The following CD2AP variants were observed in gnomAD, a reference collection of about 807,000 sequenced individuals.
The protein encoded by CD2AP is CD2-associated protein.
Under a neutral mutation model 85.1 loss-of-function variants are expected in CD2AP, and 46 were observed. That is an observed-to-expected ratio of 0.54 (90% CI 0.43 to 0.69). The LOEUF is 0.69. Ranked by LOEUF, CD2AP falls within the 30% of genes least tolerant of loss-of-function variation. The probability of loss-of-function intolerance (pLI) is 0.00; values close to 1 mark genes in which losing one functional copy is unlikely to be tolerated. For missense variants in CD2AP, 769 were observed against 729.5 expected, an observed-to-expected ratio of 1.05 and a Z score of -0.62; for synonymous variants, 255 against 252.9, an observed-to-expected ratio of 1.01 and a Z score of -0.08.
At chr6:47,556,038 A>G (rs1767673577) in intron 5 of CD2AP, among the ~76,000 whole-genome samples, 1 of 148,690 alleles carries the variant, frequency 6.7e-6, no homozygotes, top group South Asian at 2.1e-4. Flanking sequence ...AAAAGAATGC[A>G]ATTTTTTTTT....
chr6:47,522,246 T>A (rs1310400427), intron 2 of CD2AP, among the ~76,000 whole-genome samples: 1 of 152,112 alleles, frequency 6.6e-6, no homozygotes, highest in African/African-American at 2.4e-5. Context: ...CAGAGAAATA[T>A]CAGCGGAATG....
Position 47,579,437 on chromosome 6 carries a change from T to A in CD2AP, c.956T>A (p.Val319Glu). Reference sequence around the variant, plus strand: ...GGCGAACTTAATGGTAAAGAAGGAGTATTTCCAGACAATTTTGCTGTCCAG... The same window carrying A: ...GGCGAACTTAATGGTAAAGAAGGAGAATTTCCAGACAATTTTGCTGTCCAG... ...WRGELNGKEGVFPDNFAVQIN... is the reference protein window; with the variant it reads ...WRGELNGKEGEFPDNFAVQIN... The change falls in exon 9 of 18, where the codon GTA (valine) becomes GAA (glutamate). Residue 319 changes from valine to glutamate, a missense_variant. Transcript: ENST00000359314. 1.2e-6 allele frequency: 2 copies of A among 1,613,394 alleles called. No homozygotes were observed. The highest frequency in any genetic ancestry group is 1.7e-6 in the Non-Finnish European group (2 of 1,179,528).
intron 11 of CD2AP, among the ~76,000 whole-genome samples, chr6:47,589,395 A>ACACACACACACAC (rs1554182242): frequency 2.3e-4 from 2 of 8,554 alleles, no homozygotes; most frequent in Non-Finnish European, 9.5e-4. Context: ...CACACACACA[A>ACACACACACACAC]ATGTATATAC....
At position 47,519,181 on chromosome 6, in the gene CD2AP, A is replaced by G. The variant is rs1225700545; in HGVS notation, c.166-14421A>G. Among the ~76,000 whole-genome samples the G allele has an allele frequency of 3.9e-5, 6 of 152,250 alleles. No individual in the cohort carries two copies. In the East Asian group the frequency reaches 9.6e-4, roughly 24 times the overall value. ...ATGAATAAGATAAAGTTAATTTTTGATAGCCATAAGCACTTTGAACAAAAA... is the reference window on the plus strand; with the variant it reads ...ATGAATAAGATAAAGTTAATTTTTGGTAGCCATAAGCACTTTGAACAAAAA... On this transcript the variant is annotated intron_variant, in intron 2 of 17. Coordinates refer to ENST00000359314, the MANE Select transcript of CD2AP (RefSeq NM_012120.3).
chr6:47,508,995 G>A (rs1370096825), intron 2 of CD2AP, among the ~76,000 whole-genome samples: 6 of 152,152 alleles, frequency 3.9e-5, no homozygotes, highest in African/African-American at 1.4e-4. Context: ...TCAACTTTCA[G>A]CATTACTTCC....
chr6:47,549,069 C>T (rs940932801), intron 4 of CD2AP, among the ~76,000 whole-genome samples: 4 of 151,906 alleles, frequency 2.6e-5, no homozygotes, highest in Admixed American at 1.3e-4. Context: ...TAATAAAAGC[C>T]GTCTATGCAA....
intron 5 of CD2AP, chr6:47,562,865 A>G: frequency 1.2e-6 from 1 of 810,890 alleles, no homozygotes; most frequent in Non-Finnish European, 2.1e-6. Context: ...GTTGATGACA[A>G]CAAGCAACTG....
chr6:47,538,007 T>C (rs1353433852), intron 3 of CD2AP, among the ~76,000 whole-genome samples: 2 of 151,940 alleles, frequency 1.3e-5, no homozygotes, highest in East Asian at 3.9e-4. Context: ...CGCCTCAGCC[T>C]CCCAAAATGC....
chr6:47,622,744 C>T (rs558018124), intron 17 of CD2AP, among the ~76,000 whole-genome samples: 1 of 152,274 alleles, frequency 6.6e-6, no homozygotes, highest in Non-Finnish European at 1.5e-5. Context: ...GTCTGTCGGT[C>T]CTCTCGGGAT....
intron 16 of CD2AP, among the ~76,000 whole-genome samples, chr6:47,610,971 A>ATATATATATATATT: frequency 2.0e-4 from 23 of 112,866 alleles, no homozygotes; most frequent in Admixed American, 7.2e-4. Flanking sequence ...ATATATATGT[A>ATATATATATATATT]TTTTTTTTTT....
chr6:47,605,510 T>C (rs899041856), intron 13 of CD2AP, among the ~76,000 whole-genome samples: 2 of 151,880 alleles, frequency 1.3e-5, no homozygotes, highest in Non-Finnish European at 2.9e-5. Context: ...CTTTTTTTTT[T>C]GGTATCTGAT....
intron 5 of CD2AP, among the ~76,000 whole-genome samples, chr6:47,558,835 C>T (rs1387478187): frequency 2.6e-5 from 4 of 152,158 alleles, no homozygotes; most frequent in African/African-American, 9.7e-5. Flanking sequence ...ATGCTGGCAT[C>T]ATAAAATGAG....
intron 5 of CD2AP, among the ~76,000 whole-genome samples, chr6:47,567,142 G>T (rs1409107773): frequency 6.6e-6 from 1 of 151,272 alleles, no homozygotes; most frequent in Non-Finnish European, 1.5e-5. Flanking sequence ...AAATTTGGTG[G>T]TTTTTCACTA....
At chr6:47,527,915 G>T (rs2114016365) in intron 2 of CD2AP, among the ~76,000 whole-genome samples, 1 of 152,234 alleles carries the variant, frequency 6.6e-6, no homozygotes, top group Middle Eastern at 3.4e-3. Flanking sequence ...ACCTACATTT[G>T]TTTTTTGGTT....
chr6:47,603,318 C>T (rs937418618), intron 13 of CD2AP, among the ~76,000 whole-genome samples: 1 of 151,870 alleles, frequency 6.6e-6, no homozygotes, highest in African/African-American at 2.4e-5. Flanking sequence ...TATTTTTCTT[C>T]TTTGATACCA....
At chr6:47,491,207 ATACT>A (rs1049049481) in intron 1 of CD2AP, among the ~76,000 whole-genome samples, 26 of 151,974 alleles carry the variant, frequency 1.7e-4, no homozygotes, top group African/African-American at 4.3e-4. Context: ...GTGGTAAGAA[ATACT>A]TAGCCCTGGG....
intron 5 of CD2AP, among the ~76,000 whole-genome samples, chr6:47,566,323 T>TATATATATATATATATACAC: frequency 9.2e-5 from 10 of 108,454 alleles, no homozygotes; most frequent in Admixed American, 5.5e-4. Context: ...TATATATATA[T>TATATATATATATATATACAC]ACACATACAC....
chr6:47,483,923 G>T (rs1433198900), intron 1 of CD2AP, among the ~76,000 whole-genome samples: 3 of 151,962 alleles, frequency 2.0e-5, no homozygotes, highest in Non-Finnish European at 4.4e-5. Flanking sequence ...ATCCTTCAGG[G>T]TGTTAAGCAG....
intron 1 of CD2AP, among the ~76,000 whole-genome samples, chr6:47,479,095 C>T (rs115799034): frequency 9.9e-4 from 150 of 152,236 alleles, no homozygotes; most frequent in Non-Finnish European, 1.8e-3. Flanking sequence ...AACTAACTCC[C>T]TCAATCCTTT....
Sources: allele counts gnomAD v4.1 joint callset (sites outside exome capture counted in the v4.1 genomes callset), GRCh38; gene constraint gnomAD v4.1.1; transcripts MANE v1.5; gene names NCBI Gene and HGNC (gene_info 2026-07-23, HGNC 2026-07-21).